The following RUNDC3B variants were observed in gnomAD, a reference collection of about 807,000 sequenced individuals.
RUNDC3B encodes the protein RUN domain containing 3B.
RUNDC3B carries 33 observed loss-of-function variants against 58.4 expected under a neutral mutation model. The observed-to-expected ratio is 0.56, with a 90% CI of 0.43 to 0.75. The LOEUF (loss-of-function observed/expected upper bound fraction) is 0.75. RUNDC3B is among the 30% of genes least tolerant of loss of function. RUNDC3B has a pLI of 0.00. For synonymous variants in RUNDC3B, 193 were observed against 195.2 expected, an observed-to-expected ratio of 0.99 and a Z score of 0.10; for missense variants, 501 against 535.7, an observed-to-expected ratio of 0.94 and a Z score of 0.64.
chr7:87,749,511 G>A (rs1050955042), intron 6 of RUNDC3B, among the ~76,000 whole-genome samples: 1 of 152,054 alleles, frequency 6.6e-6, no homozygotes, highest in African/African-American at 2.4e-5. Context: ...CACTAGTCAT[G>A]GAGTTTTTAT....
chr7:87,818,778 A>G (rs1290373397), intron 10 of RUNDC3B, among the ~76,000 whole-genome samples: 2 of 152,240 alleles, frequency 1.3e-5, no homozygotes, highest in Non-Finnish European at 2.9e-5. Context: ...AGATTGATCA[A>G]AAATCACCTC....
At chr7:87,676,685 C>G (rs1826390584) in intron 2 of RUNDC3B, among the ~76,000 whole-genome samples, 1 of 102,516 alleles carries the variant, frequency 9.8e-6, no homozygotes, top group African/African-American at 3.9e-5. Flanking sequence ...GCCTGGGCAA[C>G]AGAGCAAGAC....
chr7:87,631,337 G>T (rs1821195106), intron 1 of RUNDC3B, among the ~76,000 whole-genome samples: 1 of 152,122 alleles, frequency 6.6e-6, no homozygotes. Context: ...ACTTTCCAGA[G>T]TCACCAAACC....
intron 4 of RUNDC3B, among the ~76,000 whole-genome samples, chr7:87,739,549 G>A (rs140212835): frequency 2.4e-3 from 360 of 152,062 alleles, no homozygotes; most frequent in African/African-American, 8.3e-3. Flanking sequence ...GCTGGAAACA[G>A]AGAATTCTTT....
At chr7:87,815,938 G>A (rs1381605882) in intron 9 of RUNDC3B, among the ~76,000 whole-genome samples, 1 of 151,794 alleles carries the variant, frequency 6.6e-6, no homozygotes, top group Non-Finnish European at 1.5e-5. Context: ...GTTTTCCAAT[G>A]GATTAAACAG....
intron 10 of RUNDC3B, among the ~76,000 whole-genome samples, chr7:87,822,365 G>A (rs537068465): frequency 2.6e-4 from 40 of 152,218 alleles, no homozygotes; most frequent in Non-Finnish European, 3.8e-4. Context: ...TTAGAATGGC[G>A]ATCATTAAAA....
intron 2 of RUNDC3B, among the ~76,000 whole-genome samples, chr7:87,652,074 T>G (rs1161125990): frequency 2.0e-5 from 3 of 151,814 alleles, no homozygotes; most frequent in Non-Finnish European, 4.4e-5. Flanking sequence ...TATTAGATAC[T>G]ATATTGTGTG....
intron 6 of RUNDC3B, among the ~76,000 whole-genome samples, chr7:87,742,312 G>A (rs1258743232): frequency 6.6e-6 from 1 of 152,072 alleles, no homozygotes; most frequent in Non-Finnish European, 1.5e-5. Flanking sequence ...CATCACCTGA[G>A]CAGTGTACAC....
At chr7:87,785,681 G>A (rs1211252508) in intron 8 of RUNDC3B, among the ~76,000 whole-genome samples, 2 of 152,198 alleles carry the variant, frequency 1.3e-5, no homozygotes, top group Admixed American at 6.5e-5. Flanking sequence ...GAGAAAGGGA[G>A]CACTACTTTC....
At chr7:87,789,118 A>G (rs899825312) in intron 8 of RUNDC3B, among the ~76,000 whole-genome samples, 3 of 152,362 alleles carry the variant, frequency 2.0e-5, no homozygotes, top group Non-Finnish European at 2.9e-5. Context: ...TTTGTAAAAC[A>G]TGCATTCCAA....
chr7:87,655,033 A>G (rs1206910913), intron 2 of RUNDC3B, among the ~76,000 whole-genome samples: 2 of 152,136 alleles, frequency 1.3e-5, no homozygotes, highest in Non-Finnish European at 2.9e-5. Flanking sequence ...CCGAAGGATA[A>G]CAAGTGCTGG....
chr7:87,755,284 G>A (rs1450099619), intron 6 of RUNDC3B, among the ~76,000 whole-genome samples: 1 of 152,106 alleles, frequency 6.6e-6, no homozygotes, highest in Non-Finnish European at 1.5e-5. Flanking sequence ...GCCTCCCAGA[G>A]TCCTGGGATT....
intron 7 of RUNDC3B, among the ~76,000 whole-genome samples, chr7:87,773,248 G>A (rs6976545): frequency 0.01 from 1,516 of 150,922 alleles, 22 homozygotes; most frequent in African/African-American, 0.033. Flanking sequence ...GCATGAACCC[G>A]CGAGGCGGAG....
At chr7:87,711,359 CTTAT>C (rs1583962275) in intron 4 of RUNDC3B, among the ~76,000 whole-genome samples, 1 of 151,700 alleles carries the variant, frequency 6.6e-6, no homozygotes, top group East Asian at 1.9e-4. Context: ...TAATAATTTA[CTTAT>C]TTAATTCATA....
chr7:87,636,067 T>C (rs1277582417), intron 1 of RUNDC3B, among the ~76,000 whole-genome samples: 4 of 152,228 alleles, frequency 2.6e-5, no homozygotes, highest in South Asian at 2.1e-4. Context: ...ATTTTTGTGA[T>C]GATATGTACA....
chr7:87,682,204 G>A (rs530357489), intron 2 of RUNDC3B, among the ~76,000 whole-genome samples: 4 of 152,246 alleles, frequency 2.6e-5, no homozygotes, highest in South Asian at 2.1e-4. Context: ...GTTCTCTTGC[G>A]ATTTCCATGT....
Position 87,777,867 on chromosome 7 carries a change from C to T in RUNDC3B, c.868C>T (p.Leu290=), listed in dbSNP as rs1275024103. 2.5e-6 allele frequency: 4 copies of T among 1,612,468 alleles called. No homozygotes were observed. Among genetic ancestry groups the T allele is most frequent in the Non-Finnish European group, 2.5e-6 (3 of 1,178,648 alleles). The part of the protein sequence containing the change: ...LSESVSQNKI[L]LQRIEDSDLA... ...TGAATCTGTCTCCCAGAATAAAATACTACTTCAAAGGATTGAAGATTCCGA... is the reference window on the plus strand; with the variant it reads ...TGAATCTGTCTCCCAGAATAAAATATTACTTCAAAGGATTGAAGATTCCGA... Residue 290 remains leucine, a synonymous_variant, in exon 8 of 11, where the codon CTA becomes TTA. Coordinates refer to ENST00000394654, the MANE Select transcript of RUNDC3B (RefSeq NM_001134405.2).
chr7:87,698,048 A>G (rs1333614990), intron 2 of RUNDC3B, among the ~76,000 whole-genome samples: 1 of 152,222 alleles, frequency 6.6e-6, no homozygotes, highest in African/African-American at 2.4e-5. Flanking sequence ...ATTAAGAGGG[A>G]GAAGTCTGTA....
At chr7:87,813,870 A>C (rs1448193783) in intron 9 of RUNDC3B, among the ~76,000 whole-genome samples, 3 of 151,520 alleles carry the variant, frequency 2.0e-5, no homozygotes. Flanking sequence ...AATCCCAGCT[A>C]CTCAGGAGGC....
Sources: gnomAD v4.1 joint callset for allele counts (sites outside exome capture counted in the v4.1 genomes callset) on GRCh38, gnomAD v4.1.1 for gene constraint, MANE v1.5 for transcripts, NCBI Gene and HGNC (gene_info 2026-07-23, HGNC 2026-07-21) for gene names.